Variants in WDHD1 observed in about 807,000 individuals in gnomAD.
WDHD1 encodes WD repeat and HMG-box DNA-binding protein 1.
In WDHD1, 111 loss-of-function variants were observed where a neutral mutation model predicts 135.4. That is an observed-to-expected ratio of 0.82 (90% CI 0.70 to 0.96). The LOEUF (loss-of-function observed/expected upper bound fraction) is 0.96, where lower values mean the gene tolerates loss of function less well. Among genes scored for constraint, WDHD1 ranks in the 40% least tolerant of loss-of-function variants. The probability of loss-of-function intolerance (pLI) is 0.00; values close to 1 mark genes in which losing one functional copy is unlikely to be tolerated. For synonymous variants in WDHD1, 434 were observed against 439.0 expected (o/e 0.99, Z 0.14); for missense variants, 1,351 against 1,336.3 (o/e 1.01, Z -0.17).
intron 2 of WDHD1, among the ~76,000 whole-genome samples, chr14:55,016,443 C>T (rs1467210632): frequency 6.6e-6 from 1 of 152,148 alleles, no homozygotes; most frequent in Admixed American, 6.5e-5. Flanking sequence ...ATAGTGATAA[C>T]ACCAACCACA....
chr14:54,947,208 G>A (rs1252505112), intron 24 of WDHD1, among the ~76,000 whole-genome samples: 7 of 150,788 alleles, frequency 4.6e-5, no homozygotes, highest in East Asian at 2.0e-4. Flanking sequence ...GCATGGTTGC[G>A]CATGCCTGTA....
At chr14:55,018,449 T>C (rs2042293785) in intron 2 of WDHD1, among the ~76,000 whole-genome samples, 1 of 152,200 alleles carries the variant, frequency 6.6e-6, no homozygotes, top group Non-Finnish European at 1.5e-5. Flanking sequence ...TTGATAGAAC[T>C]CCTATTTTTA....
chr14:54,985,452 G>GTC (rs1389988723), intron 14 of WDHD1, among the ~76,000 whole-genome samples: 1 of 152,188 alleles, frequency 6.6e-6, no homozygotes, highest in Non-Finnish European at 1.5e-5. Flanking sequence ...CAAAGAGGCA[G>GTC]TATGGCCAGA....
chr14:54,983,529 C>T (rs557251815), intron 15 of WDHD1, among the ~76,000 whole-genome samples: 343 of 152,002 alleles, frequency 2.3e-3, no homozygotes, highest in Non-Finnish European at 4.1e-3. Flanking sequence ...AAAAATTAGC[C>T]GAGTGTGGTG....
chr14:55,010,111 A>C (rs1448356615), intron 4 of WDHD1, among the ~76,000 whole-genome samples, 198 bp downstream of exon 4: 3 of 152,202 alleles, frequency 2.0e-5, no homozygotes, highest in African/African-American at 7.2e-5. Context: ...GAGCCACCAC[A>C]ACCGGCCAAA....
At chr14:54,957,479 C>T (rs2041179636) in intron 22 of WDHD1, 113 bp downstream of exon 22, 1 of 1,005,264 alleles carries the variant, frequency 9.9e-7, no homozygotes, top group South Asian at 1.8e-5. Flanking sequence ...TGTTTCCACA[C>T]AGATCAGTCT....
intron 2 of WDHD1, among the ~76,000 whole-genome samples, chr14:55,015,699 AT>A (rs35102727): frequency 0.012 from 1,736 of 143,054 alleles, 13 homozygotes; most frequent in African/African-American, 0.03. Context: ...TTCCAATGGA[AT>A]TTTTTTTTTT....
chr14:54,967,960 A>T (rs1253611674), intron 16 of WDHD1, among the ~76,000 whole-genome samples: 2 of 152,186 alleles, frequency 1.3e-5, no homozygotes, highest in Non-Finnish European at 2.9e-5. Context: ...CTAAAAGTGA[A>T]ATCAGCTCTC....
At position 55,021,460 on chromosome 14, in the gene WDHD1, G is replaced by A. The variant is rs549372089; in HGVS notation, c.77+5251C>T. Reference sequence around the variant, plus strand: ...TGCTTTGTTGGCCAGCCTGGAATGTGCAGCGGCACAATCTCGGCTCACTGC... The same window carrying A: ...TGCTTTGTTGGCCAGCCTGGAATGTACAGCGGCACAATCTCGGCTCACTGC... On this transcript the variant is annotated intron_variant, in intron 2 of 25. Coordinates refer to ENST00000360586, the MANE Select transcript of WDHD1 (RefSeq NM_007086.4). 4.0e-3 allele frequency among the ~76,000 whole-genome samples: 595 copies of A among 150,626 alleles called. 2 individuals carry two copies. The highest frequency in any genetic ancestry group is 6.8e-3 in the Middle Eastern group (2 of 294).
At chr14:54,966,321 C>T (rs1046899934) in intron 18 of WDHD1, among the ~76,000 whole-genome samples, 154 bp downstream of exon 18, 17 of 148,784 alleles carry the variant, frequency 1.1e-4, no homozygotes, top group African/African-American at 2.0e-4. Flanking sequence ...GGTGACAGAA[C>T]GAGACTCCGT....
At chr14:55,010,260 G>C (rs943330969) in intron 4 of WDHD1, 49 bp downstream of exon 4, 1 of 1,445,882 alleles carries the variant, frequency 6.9e-7, no homozygotes, top group Non-Finnish European at 9.2e-7. Context: ...AAATAAACAA[G>C]GCCTTTTGTT....
At chr14:54,955,726 A>T (rs750197539) in intron 23 of WDHD1, 32 bp from the exon 24 acceptor site, 2 of 1,441,716 alleles carry the variant, frequency 1.4e-6, no homozygotes, top group Non-Finnish European at 1.8e-6. Context: ...CTGCAATAAC[A>T]TCTAGTATAA....
Position 54,963,421 on chromosome 14 carries a change from T to C in WDHD1, c.2311-249A>G, listed in dbSNP as rs139061011. 1.1e-3 allele frequency among the ~76,000 whole-genome samples: 175 copies of C among 152,304 alleles called. 3 individuals are homozygous for C. The East Asian group carries it at 0.027, about 24-fold the overall frequency. ...TTAAATGAATAAAGTAATGGTGCAC[T>C]ATGCAATAAACAGTGGCTTAGATTT... is the stretch of plus-strand genomic sequence containing the variant. On this transcript the variant is annotated intron_variant, in intron 18 of 25. Transcript: ENST00000360586.
intron 4 of WDHD1, among the ~76,000 whole-genome samples, chr14:55,009,581 G>A (rs542265740): frequency 1.5e-4 from 23 of 151,976 alleles, no homozygotes; most frequent in African/African-American, 1.2e-4. Context: ...ATAGGCACCC[G>A]CTACTATGCC....
intron 10 of WDHD1, among the ~76,000 whole-genome samples, chr14:54,996,292 G>A (rs1291718567): frequency 3.9e-5 from 6 of 152,090 alleles, no homozygotes; most frequent in Non-Finnish European, 8.8e-5. Flanking sequence ...AGAACCAATA[G>A]AAAAACAAAG....
At chr14:54,967,010 A>G (rs1482509989) in intron 17 of WDHD1, among the ~76,000 whole-genome samples, 1 of 152,228 alleles carries the variant, frequency 6.6e-6, no homozygotes, top group African/African-American at 2.4e-5. Context: ...ACTTCTTCTC[A>G]GGGACATGCC....
At chr14:54,958,272 G>A (rs1441878078) in intron 21 of WDHD1, among the ~76,000 whole-genome samples, 4 of 151,772 alleles carry the variant, frequency 2.6e-5, no homozygotes, top group African/African-American at 9.7e-5. Context: ...GATTACAGGC[G>A]CCTGCTACCA....
At chr14:54,943,710 T>C (rs2040874221) in intron 25 of WDHD1, among the ~76,000 whole-genome samples, 1 of 152,176 alleles carries the variant, frequency 6.6e-6, no homozygotes, top group Non-Finnish European at 1.5e-5. Context: ...ACACTTTTGA[T>C]TTTTAACAAA....
intron 7 of WDHD1, among the ~76,000 whole-genome samples, chr14:55,004,188 T>C (rs28719471): frequency 0.035 from 5,377 of 152,242 alleles, 347 homozygotes; most frequent in African/African-American, 0.12. Context: ...TCCTCAAAGA[T>C]TCCCACTCCA....
Sources: allele counts gnomAD v4.1 joint callset (sites outside exome capture counted in the v4.1 genomes callset), GRCh38; gene constraint gnomAD v4.1.1; transcripts MANE v1.5; gene names NCBI Gene and HGNC (gene_info 2026-07-23, HGNC 2026-07-21).